Variants in EXT1 observed in about 807,000 individuals in gnomAD.
The protein encoded by EXT1 is exostosin-1.
In EXT1, 20 loss-of-function variants were observed where a neutral mutation model predicts 82.5. That is an observed-to-expected ratio of 0.24 (90% CI 0.17 to 0.35). The LOEUF is 0.35. Ranked by LOEUF, EXT1 falls within the 10% of genes least tolerant of loss-of-function variation. The pLI, the probability that EXT1 is intolerant of heterozygous loss-of-function variation, is 1.00. For missense variants in EXT1, 757 were observed against 936.5 expected (o/e 0.81, Z 2.50); for synonymous variants, 348 against 350.8 (o/e 0.99, Z 0.09).
chr8:117,817,847 C>A (rs17439659), intron 7 of EXT1, among the ~76,000 whole-genome samples: 4 of 151,964 alleles, frequency 2.6e-5, no homozygotes, highest in Middle Eastern at 3.2e-3. Flanking sequence ...AGAAAAAGGC[C>A]GGGAGATGAT....
chr8:118,076,244 A>T (rs1405517244), intron 1 of EXT1, among the ~76,000 whole-genome samples: 1 of 152,226 alleles, frequency 6.6e-6, no homozygotes, highest in Admixed American at 6.5e-5. Flanking sequence ...GTTTTGAGAA[A>T]GAATTTCACT....
intron 1 of EXT1, among the ~76,000 whole-genome samples, chr8:117,841,629 G>T (rs1291082456): frequency 6.6e-6 from 1 of 152,064 alleles, no homozygotes; most frequent in Non-Finnish European, 1.5e-5. Flanking sequence ...TTTTCAGATG[G>T]GCATTAAGTT....
At chr8:117,985,320 T>C (rs1815294624) in intron 1 of EXT1, among the ~76,000 whole-genome samples, 1 of 152,216 alleles carries the variant, frequency 6.6e-6, no homozygotes, top group South Asian at 2.1e-4. Context: ...CCCTTTGAGT[T>C]TGTTTGTTTT....
chr8:118,028,105 C>T (rs1287347659), intron 1 of EXT1, among the ~76,000 whole-genome samples: 1 of 152,168 alleles, frequency 6.6e-6, no homozygotes, highest in Non-Finnish European at 1.5e-5. Context: ...GTTGTGGTCC[C>T]AGCCCCTAAA....
chr8:118,110,852 G>A lies in EXT1; in HGVS notation c.195C>T (p.Phe65=), dbSNP rs1202105470. 8 of 1,612,824 alleles carry A rather than the reference G, an allele frequency of 5.0e-6. No individual in the cohort carries two copies. The highest frequency in any genetic ancestry group is 2.2e-5 in the East Asian group (1 of 44,874). ...CGTTTTCCAATTGATCCCAAGGAAC[G>A]AAGGGGCGCAGAGCGTCCGGGAAGC... ...WPRFPDALRP[F]VPWDQLENED... Residue 65 remains phenylalanine, a synonymous_variant, in exon 1 of 11, where the codon TTC becomes TTT. Transcript: ENST00000378204.
intron 1 of EXT1, among the ~76,000 whole-genome samples, chr8:117,979,615 G>A (rs1165119513): frequency 1.3e-5 from 2 of 151,906 alleles, no homozygotes; most frequent in Non-Finnish European, 2.9e-5. Context: ...ACACGAACAT[G>A]AAAAAGTCAG....
intron 1 of EXT1, among the ~76,000 whole-genome samples, chr8:117,986,600 T>C (rs1444036262): frequency 3.3e-5 from 5 of 152,194 alleles, no homozygotes; most frequent in Admixed American, 6.5e-5. Flanking sequence ...AGTAGGTGTA[T>C]TCAATACCCA....
intron 1 of EXT1, among the ~76,000 whole-genome samples, chr8:117,915,433 A>C (rs73322061): frequency 0.086 from 13,140 of 152,106 alleles, 937 homozygotes; most frequent in African/African-American, 0.2. Flanking sequence ...ATATTCTACC[A>C]AATGGATGTA....
intron 1 of EXT1, among the ~76,000 whole-genome samples, chr8:117,935,451 G>C (rs1178591106): frequency 1.3e-5 from 2 of 151,756 alleles, no homozygotes; most frequent in African/African-American, 4.8e-5. Flanking sequence ...CTCCCAAGTG[G>C]TTGGGAGGTG....
chr8:117,830,710 G>C (rs571501836), intron 3 of EXT1, among the ~76,000 whole-genome samples: 1 of 152,248 alleles, frequency 6.6e-6, no homozygotes, highest in African/African-American at 2.4e-5. Flanking sequence ...ATAGGTCTTG[G>C]GGAAAGGCCA....
chr8:117,917,326 G>A (rs1289895284), intron 1 of EXT1, among the ~76,000 whole-genome samples: 1 of 152,026 alleles, frequency 6.6e-6, no homozygotes, highest in Admixed American at 6.6e-5. Context: ...ATAGCCAGGC[G>A]TAGTGGTGCG....
At chr8:117,899,899 G>A (rs959512818) in intron 1 of EXT1, among the ~76,000 whole-genome samples, 13 of 152,164 alleles carry the variant, frequency 8.5e-5, no homozygotes, top group Admixed American at 5.2e-4. Flanking sequence ...CATAAGAGTG[G>A]ATCTAAACTC....
intron 1 of EXT1, among the ~76,000 whole-genome samples, chr8:117,965,212 T>C (rs1814785589): frequency 6.6e-6 from 1 of 152,104 alleles, no homozygotes; most frequent in African/African-American, 2.4e-5. Flanking sequence ...TAAAACATAG[T>C]ATAAATTATG....
intron 1 of EXT1, among the ~76,000 whole-genome samples, chr8:118,002,130 C>T (rs1282134492): frequency 6.6e-6 from 1 of 151,796 alleles, no homozygotes; most frequent in Non-Finnish European, 1.5e-5. Context: ...TTTTTAGCAA[C>T]AAAAATCTAA....
chr8:118,078,419 G>A lies in EXT1; in HGVS notation c.962+31666C>T, dbSNP rs558819939. ...TCACCATGTTACCCAGGCTGGTCTC[G>A]AACTCTGACCTCAATTGATACACCC... is the stretch of plus-strand genomic sequence containing the variant. On this transcript the variant is annotated intron_variant, in intron 1 of 10. Transcript: ENST00000378204. Among the ~76,000 whole-genome samples, 5 of 151,996 alleles carry A rather than the reference G, an allele frequency of 3.3e-5. No homozygotes were observed. In the South Asian group the frequency reaches 6.2e-4, roughly 19 times the overall value.
chr8:117,816,073 AT>A (rs1440751401), intron 7 of EXT1, among the ~76,000 whole-genome samples: 2 of 152,088 alleles, frequency 1.3e-5, no homozygotes, highest in Non-Finnish European at 2.9e-5. Context: ...AAACACAATA[AT>A]AGTTAAGATT....
chr8:117,926,825 C>T (rs1316453744), intron 1 of EXT1, among the ~76,000 whole-genome samples: 1 of 152,170 alleles, frequency 6.6e-6, no homozygotes, highest in Non-Finnish European at 1.5e-5. Context: ...TCTAAATTTT[C>T]CTGGAGAGTC....
At chr8:117,812,986 T>TG in intron 7 of EXT1, 25 bp from the exon 8 acceptor site, 1 of 1,595,984 alleles carries the variant, frequency 6.3e-7, no homozygotes, top group Non-Finnish European at 8.6e-7. Flanking sequence ...AAGTAGGCAG[T>TG]GGGGAGGGAA....
intron 1 of EXT1, among the ~76,000 whole-genome samples, chr8:118,031,281 G>C (rs1205160498): frequency 6.6e-6 from 1 of 152,098 alleles, no homozygotes; most frequent in African/African-American, 2.4e-5. Context: ...AGCACTTTAG[G>C]AGGCCGAGGT....
Sources: allele counts gnomAD v4.1 joint callset (sites outside exome capture counted in the v4.1 genomes callset), GRCh38; gene constraint gnomAD v4.1.1; transcripts MANE v1.5; gene names NCBI Gene and HGNC (gene_info 2026-07-23, HGNC 2026-07-21).